CSMD1: variants seen among roughly 807,000 people sequenced by gnomAD.
CSMD1 encodes the protein CUB and Sushi multiple domains 1, also known as CUB and sushi domain-containing protein 1.
Under a neutral mutation model 417.5 loss-of-function variants are expected in CSMD1, and 213 were observed. The observed-to-expected ratio is 0.51, with a 90% CI of 0.46 to 0.57. CSMD1 has a LOEUF of 0.57. Among genes scored for constraint, CSMD1 ranks in the 20% least tolerant of loss-of-function variants. The pLI, the probability that CSMD1 is intolerant of heterozygous loss-of-function variation, is 0.00. For synonymous variants in CSMD1, 2,862 were observed against 1,736.8 expected, an observed-to-expected ratio of 1.65 and a Z score of -16.11; for missense variants, 6,923 against 4,529.7, an observed-to-expected ratio of 1.53 and a Z score of -15.17.
At chr8:3,530,864 AT>A (rs57244912) in intron 10 of CSMD1, among the ~76,000 whole-genome samples, 57 of 143,242 alleles carry the variant, frequency 4.0e-4, no homozygotes, top group Non-Finnish European at 6.7e-4. Context: ...CCTTTTTCCT[AT>A]TTTTTTTTTT....
chr8:3,655,276 C>T (rs985131538), intron 7 of CSMD1, among the ~76,000 whole-genome samples: 2 of 152,186 alleles, frequency 1.3e-5, no homozygotes, highest in Non-Finnish European at 2.9e-5. Context: ...GACCCATGAA[C>T]ATGAAGGCTA....
intron 6 of CSMD1, among the ~76,000 whole-genome samples, chr8:3,723,746 G>C (rs1296043813): frequency 6.6e-6 from 1 of 152,078 alleles, no homozygotes; most frequent in African/African-American, 2.4e-5. Flanking sequence ...CTTATTTTTA[G>C]ATACAGACAC....
chr8:3,322,552 C>T (rs1418243913), intron 23 of CSMD1, among the ~76,000 whole-genome samples: 1 of 152,152 alleles, frequency 6.6e-6, no homozygotes, highest in Non-Finnish European at 1.5e-5. Context: ...ACCTATGGAA[C>T]TTTCTTGTCT....
intron 5 of CSMD1, among the ~76,000 whole-genome samples, chr8:3,872,869 A>T (rs560265150): frequency 6.6e-6 from 1 of 152,190 alleles, no homozygotes; most frequent in African/African-American, 2.4e-5. Context: ...AAAAGAAAAC[A>T]GCTGCATTAA....
In CSMD1 at chr8:3,736,898, C is replaced by T. The variant is rs893743496; in HGVS notation, c.931+17032G>A. Reference sequence around the variant, plus strand: ...CCTGGCATGTAGAAGGTGCTGTGTGCATCCTACTAGAACATTCCGTGTGAA... The same window carrying T: ...CCTGGCATGTAGAAGGTGCTGTGTGTATCCTACTAGAACATTCCGTGTGAA... On this transcript the variant is annotated intron_variant, in intron 6 of 69. Transcript: ENST00000635120. Among the ~76,000 whole-genome samples, 11 of 152,272 alleles carry T rather than the reference C, an allele frequency of 7.2e-5. No individual in the cohort carries two copies. The East Asian group carries it at 1.9e-3, about 27-fold the overall frequency.
intron 2 of CSMD1, among the ~76,000 whole-genome samples, chr8:4,586,969 T>A (rs936355183): frequency 6.6e-6 from 1 of 152,192 alleles, no homozygotes; most frequent in Non-Finnish European, 1.5e-5. Context: ...AGAGGTTACA[T>A]CTATATAAGA....
chr8:2,943,290 T>G (rs1267399445), intron 68 of CSMD1, among the ~76,000 whole-genome samples: 1 of 151,340 alleles, frequency 6.6e-6, no homozygotes, highest in Non-Finnish European at 1.5e-5. Flanking sequence ...TGCAGTGGAG[T>G]GATCTCAGCT....
intron 8 of CSMD1, among the ~76,000 whole-genome samples, chr8:3,603,521 A>G (rs1220154249): frequency 6.6e-6 from 1 of 152,160 alleles, no homozygotes; most frequent in Non-Finnish European, 1.5e-5. Flanking sequence ...AGTAAAAATC[A>G]CTTACAGAAA....
At chr8:3,122,733 C>T (rs1817278690) in intron 41 of CSMD1, among the ~76,000 whole-genome samples, 1 of 151,408 alleles carries the variant, frequency 6.6e-6, no homozygotes, top group African/African-American at 2.5e-5. Context: ...TCACCTCCCA[C>T]CATGATTCTC....
intron 3 of CSMD1, among the ~76,000 whole-genome samples, chr8:4,099,312 A>G (rs935722748): frequency 6.6e-6 from 1 of 152,052 alleles, no homozygotes; most frequent in Non-Finnish European, 1.5e-5. Flanking sequence ...GAATTACATG[A>G]AGGAGCTATA....
intron 3 of CSMD1, among the ~76,000 whole-genome samples, chr8:4,187,206 C>T (rs917583991): frequency 6.6e-6 from 1 of 152,088 alleles, no homozygotes; most frequent in African/African-American, 2.4e-5. Flanking sequence ...TTGTTGGATT[C>T]TGTTCAGAGA....
chr8:3,852,504 T>A (rs1196938744), intron 5 of CSMD1, among the ~76,000 whole-genome samples: 1 of 152,138 alleles, frequency 6.6e-6, no homozygotes, highest in East Asian at 1.9e-4. Flanking sequence ...ATGCTGACAG[T>A]TGACGATAAA....
At chr8:4,848,712 G>A (rs1296061347) in intron 1 of CSMD1, among the ~76,000 whole-genome samples, 1 of 151,904 alleles carries the variant, frequency 6.6e-6, no homozygotes, top group African/African-American at 2.4e-5. Context: ...GCTAATTTTT[G>A]TATATTTTTA....
intron 8 of CSMD1, among the ~76,000 whole-genome samples, chr8:3,601,977 C>A (rs1360000136): frequency 6.6e-6 from 1 of 151,940 alleles, no homozygotes; most frequent in Admixed American, 6.6e-5. Flanking sequence ...TGGTGGCTGT[C>A]GGGAGATGTG....
intron 3 of CSMD1, among the ~76,000 whole-genome samples, chr8:4,154,869 C>T (rs181956955): frequency 9.2e-4 from 140 of 152,276 alleles, no homozygotes; most frequent in Non-Finnish European, 7.3e-5. Context: ...ACCAAGTCAG[C>T]TGCATCACAG....
At position 4,863,230 on chromosome 8, in the gene CSMD1, T is replaced by A. The variant is rs542778597; in HGVS notation, c.85+131102A>T. Among the ~76,000 whole-genome samples the A allele has an allele frequency of 5.3e-5, 8 of 152,208 alleles. No homozygotes were observed. In the East Asian group the frequency reaches 1.5e-3, roughly 29 times the overall value. ...TATTCATCTCCAAAATGAGGAAAAA[T>A]AATCATGTGTTTTGAGAATTATCTG... On this transcript the variant is annotated intron_variant, in intron 1 of 69. Transcript: ENST00000635120.
At chr8:3,275,238 AG>A (rs1802188713) in intron 26 of CSMD1, among the ~76,000 whole-genome samples, 1 of 152,150 alleles carries the variant, frequency 6.6e-6, no homozygotes, top group Admixed American at 6.5e-5. Flanking sequence ...CTTTTCTTTA[AG>A]AATGTTGAAT....
chr8:4,368,930 G>T (rs950410474), intron 3 of CSMD1, among the ~76,000 whole-genome samples: 1 of 151,932 alleles, frequency 6.6e-6, no homozygotes, highest in Non-Finnish European at 1.5e-5. Context: ...TCTCTTATAT[G>T]GATTTTAGCA....
chr8:4,115,804 A>G (rs1041440722), intron 3 of CSMD1, among the ~76,000 whole-genome samples: 4 of 151,968 alleles, frequency 2.6e-5, no homozygotes, highest in African/African-American at 9.7e-5. Context: ...AATGTAAATC[A>G]TATTTCTCAG....
Sources: allele counts gnomAD v4.1 joint callset (sites outside exome capture counted in the v4.1 genomes callset), GRCh38; gene constraint gnomAD v4.1.1; transcripts MANE v1.5; gene names NCBI Gene and HGNC (gene_info 2026-07-23, HGNC 2026-07-21).